The following TRO variants were observed in gnomAD, a reference collection of about 807,000 sequenced individuals.
TRO encodes MAGE superfamily protein.
Under a neutral mutation model 42.3 loss-of-function variants are expected in TRO, and 29 were observed. That is an observed-to-expected ratio of 0.68 (90% CI 0.51 to 0.93). The LOEUF (loss-of-function observed/expected upper bound fraction) is 0.93, where lower values mean the gene tolerates loss of function less well. Among genes scored for constraint, TRO ranks in the 40% least tolerant of loss-of-function variants. The probability of loss-of-function intolerance (pLI) is 0.00; values close to 1 mark genes in which losing one functional copy is unlikely to be tolerated. For synonymous variants in TRO, 384 were observed against 425.2 expected, an observed-to-expected ratio of 0.90 and a Z score of 1.19; for missense variants, 963 against 1,127.7, an observed-to-expected ratio of 0.85 and a Z score of 2.09.
At position 54,926,469 on chromosome X, in the gene TRO, AT is replaced by A. The variant is rs1346489025; in HGVS notation, c.1638del (p.Asn546LysfsTer23). The A allele has an allele frequency of 4.1e-6, 5 of 1,210,477 alleles. No homozygotes were observed. The highest frequency in any genetic ancestry group is 5.6e-6 in the Non-Finnish European group (5 of 895,313). ...GTGATTCTGAGTGTCATTTTTATGA[AT>A]GGCAACAAGGCCAGTGAGGGTGAGT... ...LMVILSVIFM[N>X]GNKASEAVIW... On this transcript the variant is annotated frameshift_variant, in exon 8 of 13. Coordinates refer to ENST00000173898, the MANE Select transcript of TRO (RefSeq NM_001039705.3). LOFTEE classifies it high-confidence loss of function.
intron 10 of TRO, 78 bp downstream of exon 10, chrX:54,927,183 T>C (rs1932795157): frequency 9.5e-7 from 1 of 1,057,490 alleles, no homozygotes; most frequent in African/African-American, 1.8e-5. Context: ...GCTTAGTCAG[T>C]GCCTTTCTTA....
chrX:54,925,878 T>C (rs1932696416), intron 7 of TRO, among the ~76,000 whole-genome samples, 195 bp downstream of exon 7: 1 of 112,091 alleles, frequency 8.9e-6, no homozygotes, highest in Non-Finnish European at 1.9e-5. Flanking sequence ...CTGAAGGGTA[T>C]AGGAGCCTAG....
chrX:54,927,337 G>A lies in TRO; in HGVS notation c.1763+232G>A, dbSNP rs974832389. The A allele has an allele frequency of 9.9e-6, 5 of 502,618 alleles. No homozygotes were observed. In the African/African-American group the frequency reaches 1.2e-4, roughly 12 times the overall value. The allele number at this position is 502,618 out of a possible 1,213,427, so 41.4% of individuals were successfully genotyped here. A position where few individuals can be genotyped will look rare whatever the true frequency, so the allele number is the denominator to read the frequency against. On this transcript the variant is annotated intron_variant, in intron 10 of 12. Coordinates refer to ENST00000173898, the MANE Select transcript of TRO (RefSeq NM_001039705.3). ...GCTCAGAGCAGAGGGCCTTAAGAAT[G>A]GCTCCTCTGTTTACAACACACCCAA...
intron 11 of TRO, among the ~76,000 whole-genome samples, chrX:54,928,111 C>T (rs1315539686): frequency 8.9e-6 from 1 of 112,570 alleles, no homozygotes. Flanking sequence ...GGCTCTCTTC[C>T]TGGCTTGCAG....
In TRO at chrX:54,922,279, G is replaced by T; in HGVS notation, c.33G>T (p.Val11=). The part of the protein sequence containing the change: MDRRNDYGYR[V]PLFQGPLPPP... Reference sequence around the variant, plus strand: ...GGAGAAATGACTACGGATATAGGGTGCCTCTATTTCAGGTGAGGCCTCTCT... The same window carrying T: ...GGAGAAATGACTACGGATATAGGGTTCCTCTATTTCAGGTGAGGCCTCTCT... The change falls in exon 2 of 13, where the codon GTG becomes GTT. Residue 11 remains valine (V), a synonymous_variant. Coordinates refer to ENST00000173898, the MANE Select transcript of TRO (RefSeq NM_001039705.3). 1 of 1,209,110 alleles carries T rather than the reference G, an allele frequency of 8.3e-7. No homozygotes were observed. Among genetic ancestry groups the T allele is most frequent in the South Asian group, 1.8e-5 (1 of 56,010 alleles).
chrX:54,929,291 C>T lies in TRO; in HGVS notation c.2567C>T (p.Thr856Met), dbSNP rs201064205. ...SSGFGGTLST[T>M]AGFSGVLSTS... is the part of the protein sequence containing the mutation. ...GGCTTTGGAGGCACACTCAGCACCA[C>T]GGCTGGCTTTAGTGGTGTACTCAGC... Residue 856 changes from threonine (T) to methionine (M), a missense_variant, in exon 12 of 13, where the codon ACG (threonine) becomes ATG (methionine). This residue lies in a region of TRO where 641 missense variants were observed against 811.3 expected (regional missense o/e 0.79). Coordinates refer to ENST00000173898, the MANE Select transcript of TRO (RefSeq NM_001039705.3). 513 of 1,209,547 alleles carry T rather than the reference C, an allele frequency of 4.2e-4. No individual in the cohort carries two copies. Among genetic ancestry groups the T allele is most frequent in the Middle Eastern group, 2.7e-3 (12 of 4,368 alleles).
Position 54,930,447 on chromosome X carries a change from T to C in TRO, c.3723T>C (p.Gly1241=), listed in dbSNP as rs1475290824. The part of the protein sequence containing the change: ...GGLSTSSGFD[G]GLGTSAGFGG... ...TAAGCACAAGTTCTGGCTTTGATGG[T>C]GGGCTAGGTACCAGCGCTGGCTTCG... Residue 1241 remains glycine, a synonymous_variant, in exon 12 of 13, where the codon GGT becomes GGC. Transcript: ENST00000173898. 2.5e-6 allele frequency: 3 copies of C among 1,208,687 alleles called. No homozygotes were observed. Among genetic ancestry groups the C allele is most frequent in the Non-Finnish European group, 3.4e-6 (3 of 894,750 alleles).
In TRO at chrX:54,930,310, G is replaced by A. The variant is rs757503955; in HGVS notation, c.3586G>A (p.Gly1196Ser). 1.2e-4 allele frequency: 145 copies of A among 1,210,470 alleles called. No homozygotes were observed. The highest frequency in any genetic ancestry group is 1.6e-4 in the Non-Finnish European group (143 of 895,255). ...SFCDGPSTST[G>S]FSFGNGLSTN... ...TTGTGATGGACCCAGCACCAGTACC[G>A]GTTTCAGCTTTGGCAATGGGTTAAG... Residue 1196 changes from glycine (G) to serine (S), a missense_variant, in exon 12 of 13, where the codon GGT becomes AGT. This residue lies in a region of TRO where 641 missense variants were observed against 811.3 expected (regional missense o/e 0.79). Coordinates refer to ENST00000173898, the MANE Select transcript of TRO (RefSeq NM_001039705.3).
In TRO at chrX:54,930,169, T is replaced by G; in HGVS notation, c.3445T>G (p.Phe1149Val). 1 of 1,211,976 alleles carries G rather than the reference T, an allele frequency of 8.3e-7. No individual in the cohort carries two copies. ...FGGAHGTSLC[F>V]GGAPSTSLCF... ...TGGTGCTCATGGCACCAGCCTCTGT[T>G]TTGGTGGAGCTCCCAGCACCAGCCT... Residue 1149 changes from phenylalanine to valine, a missense_variant, in exon 12 of 13, where the codon TTT (phenylalanine) becomes GTT (valine). Coordinates refer to ENST00000173898, the MANE Select transcript of TRO (RefSeq NM_001039705.3).
chrX:54,930,629 C>A lies in TRO; in HGVS notation c.3905C>A (p.Thr1302Lys). The A allele has an allele frequency of 8.3e-7, 1 of 1,205,435 alleles. No homozygotes were observed. Among genetic ancestry groups the A allele is most frequent in the Non-Finnish European group, 1.1e-6 (1 of 892,947 alleles). ...GLGTNASFGS[T>K]LGTSAGFSGG... is the part of the protein sequence containing the mutation. ...GGCACCAATGCTAGTTTCGGCAGCA[C>A]ACTTGGCACCAGTGCTGGCTTTAGT... Residue 1302 changes from threonine to lysine, a missense_variant, in exon 12 of 13, where the codon ACA becomes AAA. This residue lies in a region of TRO where 641 missense variants were observed against 811.3 expected (regional missense o/e 0.79). Transcript: ENST00000173898.
Position 54,930,058 on chromosome X carries a change from G to A in TRO, c.3334G>A (p.Ala1112Thr), listed in dbSNP as rs1932988096. The change falls in exon 12 of 13, where the codon GCA (alanine) becomes ACA (threonine). Residue 1112 changes from alanine to threonine, a missense_variant. By Grantham distance (58) the Ala-to-Thr change is moderately conservative. This residue lies in a region of TRO where 641 missense variants were observed against 811.3 expected (regional missense o/e 0.79). Coordinates refer to ENST00000173898, the MANE Select transcript of TRO (RefSeq NM_001039705.3). The part of the protein sequence containing the change: ...AFSTSAGFGG[A>T]LSTAADFGGT... The stretch of plus-strand genomic sequence containing the variant: ...TAGCACCAGTGCTGGCTTCGGTGGG[G>A]CACTTAGTACCGCTGCTGACTTCGG... 1 of 1,207,999 alleles carries A rather than the reference G, an allele frequency of 8.3e-7. No individual in the cohort carries two copies. The highest frequency in any genetic ancestry group is 1.1e-6 in the Non-Finnish European group (1 of 893,397).
chrX:54,922,087 GGTAT>G, intron 1 of TRO, 112 bp from the exon 2 acceptor site: 3 of 519,238 alleles, frequency 5.8e-6, no homozygotes, highest in Non-Finnish European at 9.0e-6. Flanking sequence ...GGGTTTTTTA[GGTAT>G]GAAAACCCAG....
rs1408821176 is a variant in TRO at position 54,924,488 on chromosome X, A to C, written c.1274A>C (p.Asn425Thr). The C allele has an allele frequency of 8.3e-6, 10 of 1,207,354 alleles. No individual in the cohort carries two copies. Among genetic ancestry groups the C allele is most frequent in the Non-Finnish European group, 7.8e-6 (7 of 894,110 alleles). Residue 425 changes from asparagine (N) to threonine (T), a missense_variant, in exon 4 of 13, where the codon AAT becomes ACT. Physicochemically the swap from Asn to Thr is moderately conservative, Grantham distance 65 (BLOSUM62 0). Coordinates refer to ENST00000173898, the MANE Select transcript of TRO (RefSeq NM_001039705.3). The part of the protein sequence containing the change: ...HLNGDERSGS[N>T]YRRIPWGRRP... ...AATGGGGATGAGAGAAGTGGCAGTA[A>C]TTACAGGCGGATCCCATGGGGCCGG...
rs1039000057 is a variant in TRO, at chrX:54,929,341, C to T, written c.2617C>T (p.Pro873Ser). 1 of 1,211,048 alleles carries T rather than the reference C, an allele frequency of 8.3e-7. No homozygotes were observed. The highest frequency in any genetic ancestry group is 1.1e-6 in the Non-Finnish European group (1 of 895,440). ...CACTAGCACCAGCTTTGGCAGTGCA[C>T]CCACAACGAGCACAGTCTTCAGTAG... ...LSTSTSFGSA[P>S]TTSTVFSSAL... is the part of the protein sequence containing the mutation. Residue 873 changes from proline to serine, a missense_variant, in exon 12 of 13, where the codon CCC (proline) becomes TCC (serine). Pro to Ser is a moderately conservative substitution (Grantham distance 74). Coordinates refer to ENST00000173898, the MANE Select transcript of TRO (RefSeq NM_001039705.3).
rs1186089839 is a variant in TRO, at chrX:54,930,362, T to C, written c.3638T>C (p.Leu1213Pro). ...ACCAATGCTGGATTTGGTGGTGGACTGAACACCAGTGCTGGCTTTGGTGGT... is the reference window on the plus strand; with the variant it reads ...ACCAATGCTGGATTTGGTGGTGGACCGAACACCAGTGCTGGCTTTGGTGGT... ...LSTNAGFGGG[L>P]NTSAGFGGGL... Residue 1213 changes from leucine (L) to proline (P), a missense_variant, in exon 12 of 13, where the codon CTG (leucine) becomes CCG (proline). Transcript: ENST00000173898. 8 of 1,211,589 alleles carry C rather than the reference T, an allele frequency of 6.6e-6. No homozygotes were observed. The highest frequency in any genetic ancestry group is 8.9e-6 in the Non-Finnish European group (8 of 895,311).
intron 10 of TRO, 70 bp from the exon 11 acceptor site, chrX:54,927,597 C>A: frequency 1.2e-6 from 1 of 833,837 alleles, no homozygotes; most frequent in Non-Finnish European, 1.7e-6. Context: ...GAGGAGGTTG[C>A]CACCTGGTGT....
chrX:54,926,332 C>T (rs1387573308), intron 7 of TRO, 78 bp from the exon 8 acceptor site: 20 of 1,004,027 alleles, frequency 2.0e-5, no homozygotes, highest in Admixed American at 5.2e-5. Context: ...GTATCTTTTG[C>T]GGATGGCTGC....
chrX:54,922,807 C>T lies in TRO; in HGVS notation c.275C>T (p.Ala92Val), dbSNP rs766965485. Reference sequence around the variant, plus strand: ...CCTGCTGCCCCTCCAGTCCCAGCTGCCAATGAGATTGCCACCAACAAGCCC... The same window carrying T: ...CCTGCTGCCCCTCCAGTCCCAGCTGTCAATGAGATTGCCACCAACAAGCCC... ...AAPAAPPVPA[A>V]NEIATNKPKI... Residue 92 changes from alanine (A) to valine (V), a missense_variant, in exon 3 of 13, where the codon GCC becomes GTC. Ala to Val is a moderately conservative substitution (Grantham distance 64). Around this residue, in one of 2 missense-constraint regions of TRO, gnomAD observed 322 missense variants for 316.5 expected, o/e 1.02. Transcript: ENST00000173898. 8.3e-7 allele frequency: 1 copy of T among 1,208,615 alleles called. No homozygotes were observed. Among genetic ancestry groups the T allele is most frequent in the East Asian group, 3.0e-5 (1 of 33,744 alleles).
chrX:54,924,878 C>T (rs2065134533), intron 5 of TRO, 111 bp from the exon 6 acceptor site: 1 of 972,609 alleles, frequency 1.0e-6, no homozygotes. Flanking sequence ...TGGCATCTCC[C>T]ATTAACTCAC....
Sources: gnomAD v4.1 joint callset for allele counts (sites outside exome capture counted in the v4.1 genomes callset) on GRCh38, gnomAD v4.1.1 for gene constraint, gnomAD v4.1.1 regional missense constraint, MANE v1.5 for transcripts, NCBI Gene and HGNC (gene_info 2026-07-23, HGNC 2026-07-21) for gene names.